Variants in ABCA9 observed in about 807,000 individuals in gnomAD.
The protein encoded by ABCA9 is ATP-binding cassette sub-family A member 9.
A neutral mutation model predicts 205.3 loss-of-function variants in ABCA9; 183 were observed. That is an observed-to-expected ratio of 0.89 (90% CI 0.79 to 1.01). The LOEUF is 1.01. ABCA9 is among the 50% of genes least tolerant of loss of function. The pLI, the probability that ABCA9 is intolerant of heterozygous loss-of-function variation, is 0.00. For missense variants in ABCA9, 1,805 were observed against 1,912.4 expected (o/e 0.94, Z 1.05); for synonymous variants, 651 against 683.3 (o/e 0.95, Z 0.74).
upstream of ABCA9, among the ~76,000 whole-genome samples, chr17:69,065,194 A>G (rs569776547): frequency 6.6e-6 from 1 of 152,326 alleles, no homozygotes; most frequent in South Asian, 2.1e-4. Flanking sequence ...GCAATCAAAG[A>G]ACTTGTGTCT....
the ABCA9 span, among the ~76,000 whole-genome samples, chr17:69,070,466 T>C: frequency 1.7e-4 from 26 of 152,060 alleles, no homozygotes; most frequent in Admixed American, 1.7e-3. Context: ...GGTGGGCCGT[T>C]GCCTCACCCG....
upstream of ABCA9, among the ~76,000 whole-genome samples, chr17:69,064,515 C>G (rs1176692585): frequency 6.6e-6 from 1 of 152,132 alleles, no homozygotes. Flanking sequence ...CCTTGGAGCC[C>G]CAATGATTTA....
intron 26 of ABCA9, among the ~76,000 whole-genome samples, chr17:68,995,507 C>A (rs2069588735): frequency 6.6e-6 from 1 of 152,088 alleles, no homozygotes; most frequent in South Asian, 2.1e-4. Context: ...TAGCTTTAAC[C>A]CCCATCTCCA....
chr17:69,026,589 T>C (rs2070995650), intron 15 of ABCA9, 122 bp from the exon 16 acceptor site: 1 of 915,392 alleles, frequency 1.1e-6, no homozygotes, highest in Admixed American at 2.3e-5. Context: ...TATACTCTAA[T>C]TCTGGCCATA....
chr17:69,062,418 A>C (rs978562106), upstream of ABCA9, among the ~76,000 whole-genome samples: 4 of 152,116 alleles, frequency 2.6e-5, no homozygotes, highest in Non-Finnish European at 4.4e-5. Flanking sequence ...AGTGTACCAC[A>C]CTGTAATCTC....
chr17:69,036,762 G>A (rs528735199), intron 6 of ABCA9, among the ~76,000 whole-genome samples: 3 of 147,982 alleles, frequency 2.0e-5, no homozygotes, highest in South Asian at 2.2e-4. Flanking sequence ...ATTGGATAAA[G>A]AGTCAAGACC....
In ABCA9 at chr17:69,021,837, C is replaced by A; in HGVS notation, c.2306G>T (p.Cys769Phe). Residue 769 changes from cysteine (C) to phenylalanine (F), a missense_variant, in exon 18 of 39, where the codon TGT (cysteine) becomes TTT (phenylalanine). Cys to Phe is a radical substitution (Grantham distance 205). Coordinates refer to ENST00000340001, the MANE Select transcript of ABCA9 (RefSeq NM_080283.4). ...FPELYRDLDR[C>F]SNQGIEDYGV... The stretch of plus-strand genomic sequence containing the variant: ...ATAATCCTCAATGCCTTGGTTAGAA[C>A]ATCTATCAAGATCCCTGTAAAGTTC... 1 of 1,569,016 alleles carries A rather than the reference C, an allele frequency of 6.4e-7. No homozygotes were observed. The highest frequency in any genetic ancestry group is 1.2e-5 in the South Asian group (1 of 85,596).
intron 8 of ABCA9, 38 bp downstream of exon 8, chr17:69,035,208 C>T (rs978802463): frequency 2.5e-5 from 36 of 1,440,810 alleles, no homozygotes; most frequent in South Asian, 4.8e-5. Context: ...CTGTGTAGAA[C>T]GGTTTGTAAA....
chr17:69,027,092 G>C lies in ABCA9; in HGVS notation c.1934C>G (p.Thr645Ser). The part of the protein sequence containing the change: ...DPQVLLLDEP[T>S]AGLDPLSRHR... The stretch of plus-strand genomic sequence containing the variant: ...CCTTGAAAGAGGATCCAATCCAGCA[G>C]TCGGTTCATCCAATAGCAAAACCTG... Residue 645 changes from threonine to serine, a missense_variant, in exon 15 of 39, where the codon ACT becomes AGT. By Grantham distance (58) the Thr-to-Ser change is moderately conservative (BLOSUM62 1). Transcript: ENST00000340001. 6.2e-7 allele frequency: 1 copy of C among 1,614,122 alleles called. No individual in the cohort carries two copies. The highest frequency in any genetic ancestry group is 2.2e-5 in the East Asian group (1 of 44,888).
chr17:69,067,398 A>G, the ABCA9 span, among the ~76,000 whole-genome samples: 1 of 151,826 alleles, frequency 6.6e-6, no homozygotes, highest in African/African-American at 2.4e-5. Context: ...ATACCAAAAA[A>G]TCAGCCAGGT....
At chr17:68,998,363 A>G (rs2069708040) in intron 25 of ABCA9, among the ~76,000 whole-genome samples, 1 of 152,206 alleles carries the variant, frequency 6.6e-6, no homozygotes, top group Non-Finnish European at 1.5e-5. Context: ...GGTAGATATA[A>G]TTTTGGAAGA....
chr17:69,049,138 T>A (rs770449932), intron 3 of ABCA9, 145 bp downstream of exon 3: 4 of 910,204 alleles, frequency 4.4e-6, no homozygotes, highest in Non-Finnish European at 4.8e-6. Context: ...CTACAAAAAA[T>A]TTTGAGACTT....
chr17:69,008,303 C>T (rs2144181953), intron 23 of ABCA9, 68 bp from the exon 24 acceptor site: 1 of 1,431,168 alleles, frequency 7.0e-7, no homozygotes, highest in Non-Finnish European at 9.7e-7. Context: ...TGCAAATATA[C>T]AGTCATGAAA....
At position 69,045,336 on chromosome 17, in the gene ABCA9, C is replaced by T; in HGVS notation, c.305G>A (p.Gly102Glu). The T allele has an allele frequency of 2.5e-6, 4 of 1,605,940 alleles. No individual in the cohort carries two copies. Among genetic ancestry groups the T allele is most frequent in the Non-Finnish European group, 3.4e-6 (4 of 1,175,828 alleles). ...NKVASAPFLK[G>E]RTIMGWPDEK... ...ATCAGGCCACCCCATGATTGTTCTTCCTGCCATGTGAAGAAAACAAAAGAA... is the reference window on the plus strand; with the variant it reads ...ATCAGGCCACCCCATGATTGTTCTTTCTGCCATGTGAAGAAAACAAAAGAA... The change falls in exon 4 of 39, where the codon GGA (glycine) becomes GAA (glutamate). Residue 102 changes from glycine to glutamate, a missense_variant and splice_region_variant. Gly to Glu is a moderately conservative substitution (Grantham distance 98). Transcript: ENST00000340001.
At chr17:69,064,754 G>A (rs2072328539), upstream of ABCA9, among the ~76,000 whole-genome samples, 1 of 152,160 alleles carries the variant, frequency 6.6e-6, no homozygotes, top group Admixed American at 6.5e-5. Flanking sequence ...CATTATAGGT[G>A]TTTGTAAATT....
At position 68,993,084 on chromosome 17, in the gene ABCA9, T is replaced by C. The variant is rs933285653; in HGVS notation, c.3556A>G (p.Ile1186Val). ...LIGSLFIFSEISPDSMDYLGA... is the reference protein window; with the variant it reads ...LIGSLFIFSEVSPDSMDYLGA... ...AAGTAATCCATGGAATCAGGAGAAA[T>C]CTGTAAAATGAGCAGTAAGTGTATT... The change falls in exon 27 of 39, where the codon ATT (isoleucine) becomes GTT (valine). Residue 1186 changes from isoleucine (I) to valine (V), a missense_variant and splice_region_variant. Physicochemically the swap from Ile to Val is conservative, Grantham distance 29. Coordinates refer to ENST00000340001, the MANE Select transcript of ABCA9 (RefSeq NM_080283.4). The C allele has an allele frequency of 1.2e-6, 2 of 1,612,608 alleles. No homozygotes were observed. The highest frequency in any genetic ancestry group is 2.7e-5 in the African/African-American group (2 of 74,896).
intron 31 of ABCA9, chr17:68,986,861 G>C (rs2069254689): frequency 6.6e-6 from 1 of 152,174 alleles, no homozygotes; most frequent in Admixed American, 6.5e-5. Context: ...ACTATGCACA[G>C]AACAGCTCCC....
chr17:68,992,825 A>AG lies in ABCA9; in HGVS notation c.3624+190dup, dbSNP rs57118532. On this transcript the variant is annotated intron_variant, in intron 27 of 38. Transcript: ENST00000340001. ...TGAAACTCTGTCTCAAAAAAAAAAA[A>AG]GGGGGGGGGTCCAGGTTAAAAGCCA... is the stretch of plus-strand genomic sequence containing the variant. 397 of 311,372 alleles carry AG rather than the reference A, an allele frequency of 1.3e-3. 3 individuals carry two copies. The highest frequency in any genetic ancestry group is 6.9e-3 in the East Asian group (122 of 17,730). 19.3% of individuals were successfully genotyped at this position (311,372 alleles called of 1,614,324 possible).
the ABCA9 span, among the ~76,000 whole-genome samples, chr17:69,075,383 T>C: frequency 3.3e-5 from 5 of 152,274 alleles, no homozygotes; most frequent in East Asian, 9.6e-4. Flanking sequence ...TGAAGTCTTA[T>C]GTTTAAATCT....
Sources: allele counts gnomAD v4.1 joint callset (sites outside exome capture counted in the v4.1 genomes callset), GRCh38; gene constraint gnomAD v4.1.1; transcripts MANE v1.5; gene names NCBI Gene and HGNC (gene_info 2026-07-23, HGNC 2026-07-21).